The following QRICH1 variants were observed in gnomAD, a reference collection of about 807,000 sequenced individuals.
QRICH1 encodes the protein glutamine rich 1.
A neutral mutation model predicts 87.1 loss-of-function variants in QRICH1; 16 were observed. That is an observed-to-expected ratio of 0.18 (90% CI 0.12 to 0.28). The LOEUF is 0.28. Among genes scored for constraint, QRICH1 ranks in the 10% least tolerant of loss-of-function variants. QRICH1 has a pLI of 1.00. For missense variants in QRICH1, 647 were observed against 951.7 expected (o/e 0.68, Z 4.21); for synonymous variants, 367 against 368.4 (o/e 1.00, Z 0.05).
At chr3:49,067,120 T>A (rs2093473127) in intron 2 of QRICH1, among the ~76,000 whole-genome samples, 1 of 152,184 alleles carries the variant, frequency 6.6e-6, no homozygotes, top group Non-Finnish European at 1.5e-5. Flanking sequence ...ATGGCTATTG[T>A]TAGCAGAAAT....
chr3:49,045,666 C>T (rs2093334974), intron 5 of QRICH1, among the ~76,000 whole-genome samples: 1 of 151,992 alleles, frequency 6.6e-6, no homozygotes, highest in Non-Finnish European at 1.5e-5. Context: ...GTGACATAAT[C>T]ATGACTCACT....
intron 1 of QRICH1, among the ~76,000 whole-genome samples, chr3:49,089,301 C>T (rs895333495): frequency 2.0e-5 from 3 of 152,090 alleles, no homozygotes; most frequent in Admixed American, 6.6e-5. Context: ...CTTAGGTGAT[C>T]CGCCCGCATT....
chr3:49,044,700 T>C (rs1319510140), intron 5 of QRICH1, among the ~76,000 whole-genome samples, 196 bp from the exon 6 acceptor site: 2 of 152,136 alleles, frequency 1.3e-5, no homozygotes, highest in Non-Finnish European at 2.9e-5. Flanking sequence ...TCTTGAGAGT[T>C]GGGTAAATAA....
chr3:49,036,819 T>G (rs2093277845), intron 6 of QRICH1, among the ~76,000 whole-genome samples: 1 of 152,080 alleles, frequency 6.6e-6, no homozygotes, highest in South Asian at 2.1e-4. Flanking sequence ...TCCCAGTACT[T>G]TGGGAGGCCG....
At position 49,070,226 on chromosome 3, in the gene QRICH1, T is replaced by C. The variant is rs558297397; in HGVS notation, c.309+6483A>G. ...TGATTTTTGTATTTTTTAGCAGAGA[T>C]GAGGTTTCACCATGTTGGCCAGGCT... On this transcript the variant is annotated intron_variant, in intron 2 of 9. Transcript: ENST00000395443. Among the ~76,000 whole-genome samples, 10 of 151,820 alleles carry C rather than the reference T, an allele frequency of 6.6e-5. No individual in the cohort carries two copies. In the South Asian group the frequency reaches 2.1e-3, roughly 32 times the overall value.
At chr3:49,069,993 C>T (rs1372900872) in intron 2 of QRICH1, among the ~76,000 whole-genome samples, 1 of 152,038 alleles carries the variant, frequency 6.6e-6, no homozygotes, top group East Asian at 1.9e-4. Context: ...CTAAGAACTG[C>T]CCCACTTTCC....
In QRICH1 at chr3:49,032,672, G is replaced by C; in HGVS notation, c.1997C>G (p.Thr666Arg). 1 of 1,612,114 alleles carries C rather than the reference G, an allele frequency of 6.2e-7. No individual in the cohort carries two copies. The highest frequency in any genetic ancestry group is 8.5e-7 in the Non-Finnish European group (1 of 1,179,192). ...AAGGGCCTTCAAGTACCGGATACTC[G>C]TGCTTTTATCCTTGGGATTAGAGGG... ...KNPSNPKDKS[T>R]SIRYLKALGI... is the part of the protein sequence containing the mutation. Residue 666 changes from threonine to arginine, a missense_variant, in exon 8 of 10, where the codon ACG (threonine) becomes AGG (arginine). Transcript: ENST00000395443.
At chr3:49,033,053 G>C (rs1476573045) in intron 7 of QRICH1, 67 bp downstream of exon 7, 1 of 1,207,240 alleles carries the variant, frequency 8.3e-7, no homozygotes, top group Non-Finnish European at 1.1e-6. Flanking sequence ...AATTCAGAAG[G>C]CCTCTTGGAT....
upstream of QRICH1, chr3:49,094,196 A>G: frequency 5.1e-6 from 2 of 390,944 alleles, no homozygotes; most frequent in African/African-American, 2.1e-5. Flanking sequence ...TGGCCGCTAG[A>G]GCGGATAGTG....
intron 3 of QRICH1, among the ~76,000 whole-genome samples, chr3:49,053,486 CAAAAAAAAA>C (rs11417565): frequency 8.9e-6 from 1 of 112,916 alleles, no homozygotes; most frequent in Non-Finnish European, 1.8e-5. Context: ...CCCCCTGTCT[CAAAAAAAAA>C]AAAAAAAAAA....
At chr3:49,092,518 A>C (rs1297843722) in intron 1 of QRICH1, 1 of 152,062 alleles carries the variant, frequency 6.6e-6, no homozygotes, top group Non-Finnish European at 1.5e-5. Context: ...AATAATTTTA[A>C]CTTTGTTCTT....
intron 2 of QRICH1, among the ~76,000 whole-genome samples, chr3:49,072,863 G>A (rs761812757): frequency 1.6e-4 from 25 of 151,978 alleles, no homozygotes; most frequent in Non-Finnish European, 2.9e-4. Context: ...GCAACATGGC[G>A]AGAGTCCATC....
chr3:49,076,524 TAAAA>T (rs55985504), intron 2 of QRICH1, among the ~76,000 whole-genome samples, 181 bp downstream of exon 2: 1 of 144,490 alleles, frequency 6.9e-6, no homozygotes. Flanking sequence ...GGGGTTTGTT[TAAAA>T]AAAAAAAAAA....
chr3:49,034,441 CAAAAA>C (rs761722925), intron 6 of QRICH1, among the ~76,000 whole-genome samples: 2 of 109,494 alleles, frequency 1.8e-5, no homozygotes, highest in African/African-American at 6.8e-5. Context: ...GATCCTGTCT[CAAAAA>C]AAAAAAAAAG....
At chr3:49,073,797 T>A (rs968583242) in intron 2 of QRICH1, among the ~76,000 whole-genome samples, 5 of 151,556 alleles carry the variant, frequency 3.3e-5, no homozygotes, top group African/African-American at 1.2e-4. Flanking sequence ...TAGGCGTGCA[T>A]CACCACACCC....
intron 6 of QRICH1, among the ~76,000 whole-genome samples, chr3:49,038,413 AATT>A (rs1260826624): frequency 2.0e-5 from 3 of 150,958 alleles, no homozygotes; most frequent in Admixed American, 6.6e-5. Context: ...TTGTTGATTT[AATT>A]ATTATTATTT....
In QRICH1 at chr3:49,062,821, C is replaced by G. The variant is rs138379886; in HGVS notation, c.310-4931G>C. Among the ~76,000 whole-genome samples, 1,088 of 151,886 alleles carry G rather than the reference C, an allele frequency of 7.2e-3. 14 individuals are homozygous for G. Among genetic ancestry groups the G allele is most frequent in the African/African-American group, 0.024 (985 of 41,478 alleles). On this transcript the variant is annotated intron_variant, in intron 2 of 9. Coordinates refer to ENST00000395443, the MANE Select transcript of QRICH1 (RefSeq NM_198880.3). ...AGGAGATCAAGACCATCCTGGCTAA[C>G]ATGGTGAAACCCCATTTCTATTAAA...
chr3:49,062,028 C>T (rs1482374490), intron 2 of QRICH1, among the ~76,000 whole-genome samples: 1 of 151,898 alleles, frequency 6.6e-6, no homozygotes, highest in Non-Finnish European at 1.5e-5. Flanking sequence ...CTTGAAACTG[C>T]TGGTGGGCAT....
intron 9 of QRICH1, 56 bp from the exon 10 acceptor site, chr3:49,030,700 C>T: frequency 7.1e-7 from 1 of 1,399,142 alleles, no homozygotes. Flanking sequence ...AACCCTCCCA[C>T]CCTGAACTTC....
Sources: allele counts gnomAD v4.1 joint callset (sites outside exome capture counted in the v4.1 genomes callset), GRCh38; gene constraint gnomAD v4.1.1; transcripts MANE v1.5; gene names NCBI Gene and HGNC (gene_info 2026-07-23, HGNC 2026-07-21).